Variants in PLA2G4D observed in about 807,000 individuals in gnomAD.
The protein encoded by PLA2G4D is phospholipase A2 group IVD.
Under a neutral mutation model 94.4 loss-of-function variants are expected in PLA2G4D, and 80 were observed. The observed-to-expected ratio is 0.85, with a 90% CI of 0.71 to 1.02. PLA2G4D has a LOEUF of 1.02. Ranked by LOEUF, PLA2G4D falls within the 50% of genes least tolerant of loss-of-function variation. The pLI, the probability that PLA2G4D is intolerant of heterozygous loss-of-function variation, is 0.00. For synonymous variants in PLA2G4D, 438 were observed against 440.9 expected (o/e 0.99, Z 0.08); for missense variants, 1,050 against 1,034.7 (o/e 1.01, Z -0.20).
intron 6 of PLA2G4D, 86 bp from the exon 7 acceptor site, chr15:42,083,865 A>C: frequency 7.4e-7 from 1 of 1,342,822 alleles, no homozygotes; most frequent in Non-Finnish European, 1.1e-6. Context: ...CCACTGTCCC[A>C]AATCCACCAC....
Position 42,087,696 on chromosome 15 carries a change from T to TC in PLA2G4D, c.49dup (p.Glu17GlyfsTer22). The TC allele has an allele frequency of 1.2e-6, 2 of 1,613,912 alleles. No individual in the cohort carries two copies. Among genetic ancestry groups the TC allele is most frequent in the Non-Finnish European group, 1.7e-6 (2 of 1,179,904 alleles). ...TGTGAGCTGCCAGCAGGTAGAGGCC[T>TC]CCCCCTGAAGAGAAAATCAAACTCC... On this transcript the variant is annotated frameshift_variant, in exon 2 of 20. Coordinates refer to ENST00000290472, the MANE Select transcript of PLA2G4D (RefSeq NM_178034.4). LOFTEE classifies it high-confidence loss of function.
chr15:42,079,891 G>C, intron 12 of PLA2G4D, 132 bp from the exon 13 acceptor site: 1 of 756,242 alleles, frequency 1.3e-6, no homozygotes, highest in East Asian at 2.9e-5. Context: ...CTGGTAAATG[G>C]GTCTCAGGGC....
chr15:42,094,360 C>T, intron 1 of PLA2G4D, 55 bp downstream of exon 1: 2 of 1,601,472 alleles, frequency 1.2e-6, no homozygotes, highest in Non-Finnish European at 1.7e-6. Flanking sequence ...CCAGAATGCA[C>T]CCTGGCTCCA....
intron 19 of PLA2G4D, among the ~76,000 whole-genome samples, chr15:42,069,175 G>A: frequency 6.6e-6 from 1 of 152,174 alleles, no homozygotes; most frequent in East Asian, 1.9e-4. Flanking sequence ...CACCCCTTAG[G>A]CTATTCAGGC....
Position 42,068,872 on chromosome 15 carries a change from G to T in PLA2G4D, c.2300C>A (p.Thr767Asn), listed in dbSNP as rs760891913. Residue 767 changes from threonine to asparagine, a missense_variant, in exon 20 of 20, where the codon ACC becomes AAC. By Grantham distance (65) the Thr-to-Asn change is moderately conservative (BLOSUM62 0). Coordinates refer to ENST00000290472, the MANE Select transcript of PLA2G4D (RefSeq NM_178034.4). ...VDLTGATCPY[T>N]LSNMTYKEED... ...CTCCTTGTAGGTCATGTTGGACAGGGTGTAGGGGCAGGTGGCCCCGGTGAG... is the reference window on the plus strand; with the variant it reads ...CTCCTTGTAGGTCATGTTGGACAGGTTGTAGGGGCAGGTGGCCCCGGTGAG... 9 of 1,613,774 alleles carry T rather than the reference G, an allele frequency of 5.6e-6. No homozygotes were observed. Among genetic ancestry groups the T allele is most frequent in the Middle Eastern group, 1.6e-4 (1 of 6,062 alleles).
chr15:42,083,916 CA>C, intron 6 of PLA2G4D, 137 bp from the exon 7 acceptor site: 1 of 812,056 alleles, frequency 1.2e-6, no homozygotes, highest in Non-Finnish European at 2.0e-6. Context: ...GGATTGGCTG[CA>C]GAGGCCCTTC....
chr15:42,081,221 C>T, intron 11 of PLA2G4D, 88 bp from the exon 12 acceptor site: 1 of 1,544,104 alleles, frequency 6.5e-7, no homozygotes, highest in South Asian at 1.2e-5. Flanking sequence ...CTCCTTGTCT[C>T]CAGGGAAGGG....
chr15:42,069,251 GGT>G (rs1169815293), intron 19 of PLA2G4D, among the ~76,000 whole-genome samples: 1 of 152,182 alleles, frequency 6.6e-6, no homozygotes, highest in Non-Finnish European at 1.5e-5. Context: ...AAGTCAACTG[GGT>G]TTGCGAATGG....
At chr15:42,072,677 C>T (rs964432063) in intron 13 of PLA2G4D, among the ~76,000 whole-genome samples, 7 of 152,164 alleles carry the variant, frequency 4.6e-5, no homozygotes, top group Non-Finnish European at 1.0e-4. Flanking sequence ...GGCCCATCTT[C>T]GTGGATTTAA....
rs753451661 is a variant in PLA2G4D at position 42,087,674 on chromosome 15, G to A, written c.72C>T (p.Leu24=). Residue 24 remains leucine (L), a synonymous_variant, in exon 2 of 20, where the codon CTC becomes CTT. Transcript: ENST00000290472. ...YQGEASTCWQ[L]TVRVLEARNL... is the part of the protein sequence containing the mutation. ...TCCGCGCCTCCAGGACCCTCACTGT[G>A]AGCTGCCAGCAGGTAGAGGCCTCCC... The A allele has an allele frequency of 4.3e-6, 7 of 1,614,140 alleles. No individual in the cohort carries two copies. The highest frequency in any genetic ancestry group is 5.9e-6 in the Non-Finnish European group (7 of 1,180,018).
chr15:42,090,098 T>G (rs1890222923), intron 1 of PLA2G4D, among the ~76,000 whole-genome samples: 1 of 152,212 alleles, frequency 6.6e-6, no homozygotes, highest in African/African-American at 2.4e-5. Flanking sequence ...GGAGCCAGGT[T>G]GTCTGGATTT....
chr15:42,073,020 T>G (rs1027005936), intron 13 of PLA2G4D, among the ~76,000 whole-genome samples: 11 of 152,328 alleles, frequency 7.2e-5, no homozygotes, highest in Admixed American at 6.5e-4. Flanking sequence ...TATTTTATTT[T>G]GAGACAGGGT....
intron 1 of PLA2G4D, among the ~76,000 whole-genome samples, chr15:42,090,780 G>A (rs1400923370): frequency 6.6e-6 from 1 of 152,132 alleles, no homozygotes; most frequent in Admixed American, 6.5e-5. Flanking sequence ...AGGGGGAAGG[G>A]GTACAGCCTT....
chr15:42,083,105 G>C, intron 8 of PLA2G4D, 93 bp downstream of exon 8: 1 of 1,498,436 alleles, frequency 6.7e-7, no homozygotes, highest in Non-Finnish European at 8.9e-7. Flanking sequence ...CAGGGGCCTT[G>C]GCCCTGGTGG....
At chr15:42,092,019 C>T (rs532699443) in intron 1 of PLA2G4D, among the ~76,000 whole-genome samples, 105 of 152,278 alleles carry the variant, frequency 6.9e-4, no homozygotes, top group Admixed American at 1.3e-3. Context: ...TACCGGTCTC[C>T]GCGCATTGGT....
At chr15:42,089,057 A>T (rs777694940) in intron 1 of PLA2G4D, among the ~76,000 whole-genome samples, 4 of 152,222 alleles carry the variant, frequency 2.6e-5, no homozygotes, top group African/African-American at 4.8e-5. Flanking sequence ...AGTAAGTACG[A>T]TCTTCTCAGA....
intron 1 of PLA2G4D, among the ~76,000 whole-genome samples, chr15:42,088,305 G>GTGTA (rs1890190584): frequency 6.6e-6 from 1 of 152,220 alleles, no homozygotes; most frequent in Admixed American, 6.5e-5. Flanking sequence ...AAAGGCCACT[G>GTGTA]TGTATTAAGA....
In PLA2G4D at chr15:42,081,091, C is replaced by G. The variant is rs774637140; in HGVS notation, c.1000G>C (p.Ala334Pro). 5.9e-5 allele frequency: 96 copies of G among 1,614,084 alleles called. No homozygotes were observed. The highest frequency in any genetic ancestry group is 8.1e-5 in the Non-Finnish European group (95 of 1,180,042). ...AGGTGGCCGTAGAGTGAGGTCATGGCCCGGGCACCTCCTCCTGTGGCCATG... is the reference window on the plus strand; with the variant it reads ...AGGTGGCCGTAGAGTGAGGTCATGGGCCGGGCACCTCCTCCTGTGGCCATG... ...GIMATGGGAR[A>P]MTSLYGHLLA... Residue 334 changes from alanine (A) to proline (P), a missense_variant, in exon 12 of 20, where the codon GCC becomes CCC. Physicochemically the swap from Ala to Pro is conservative, Grantham distance 27 (BLOSUM62 -1). Coordinates refer to ENST00000290472, the MANE Select transcript of PLA2G4D (RefSeq NM_178034.4).
chr15:42,086,114 AC>A, intron 4 of PLA2G4D, 98 bp downstream of exon 4: 1 of 1,309,810 alleles, frequency 7.6e-7, no homozygotes, highest in African/African-American at 1.5e-5. Flanking sequence ...GAATGAGTTC[AC>A]CCCAGCAGCC....
Sources: gnomAD v4.1 joint callset for allele counts (sites outside exome capture counted in the v4.1 genomes callset) on GRCh38, gnomAD v4.1.1 for gene constraint, MANE v1.5 for transcripts, NCBI Gene and HGNC (gene_info 2026-07-23, HGNC 2026-07-21) for gene names.